MTHFD1L: variants seen among roughly 807,000 people sequenced by gnomAD.
The protein encoded by MTHFD1L is methylenetetrahydrofolate dehydrogenase (NADP+ dependent) 1 like.
A neutral mutation model predicts 119.5 loss-of-function variants in MTHFD1L; 81 were observed. The observed-to-expected ratio is 0.68, with a 90% CI of 0.57 to 0.82. The LOEUF is 0.82. Among genes scored for constraint, MTHFD1L ranks in the 40% least tolerant of loss-of-function variants. The probability of loss-of-function intolerance (pLI) is 0.00; values close to 1 mark genes in which losing one functional copy is unlikely to be tolerated. For missense variants in MTHFD1L, 1,125 were observed against 1,253.4 expected, an observed-to-expected ratio of 0.90 and a Z score of 1.55; for synonymous variants, 430 against 475.2, an observed-to-expected ratio of 0.90 and a Z score of 1.24.
intron 8 of MTHFD1L, among the ~76,000 whole-genome samples, chr6:150,907,053 G>A (rs191385954): frequency 8.6e-4 from 130 of 150,692 alleles, no homozygotes; most frequent in African/African-American, 3.0e-3. Context: ...ATAGTGGACA[G>A]GGCTTCCTCT....
intron 16 of MTHFD1L, among the ~76,000 whole-genome samples, chr6:150,950,813 G>T (rs1794746121): frequency 6.6e-6 from 1 of 151,984 alleles, no homozygotes; most frequent in Non-Finnish European, 1.5e-5. Flanking sequence ...GGGATTACAG[G>T]CACACACCAC....
intron 11 of MTHFD1L, among the ~76,000 whole-genome samples, chr6:150,933,097 AT>A (rs1222979958): frequency 6.6e-6 from 1 of 152,010 alleles, no homozygotes; most frequent in East Asian, 1.9e-4. Flanking sequence ...CTACTTTGTG[AT>A]TTTCCCGAAC....
chr6:151,078,955 A>G lies in MTHFD1L; in HGVS notation c.2848-13512A>G, dbSNP rs117953704. Among the ~76,000 whole-genome samples the G allele has an allele frequency of 8.4e-3, 1,278 of 152,232 alleles. 8 individuals carry two copies. The highest frequency in any genetic ancestry group is 0.012 in the Non-Finnish European group (795 of 68,020). On this transcript the variant is annotated intron_variant, in intron 26 of 27. Transcript: ENST00000367321. ...GAGCCCACTAAGTGTTTTGTTCAGT[A>G]GGCCTGCAGGATGAAGGGTGCCAGG...
chr6:150,990,277 C>CA (rs201758591), intron 20 of MTHFD1L, among the ~76,000 whole-genome samples: 141 of 125,856 alleles, frequency 1.1e-3, no homozygotes, highest in African/African-American at 2.1e-3. Context: ...GATTCTGTCT[C>CA]AAAAAAAAAA....
At chr6:150,932,867 T>G (rs1019066333) in intron 11 of MTHFD1L, among the ~76,000 whole-genome samples, 13 of 114,050 alleles carry the variant, frequency 1.1e-4, no homozygotes, top group African/African-American at 5.1e-4. Flanking sequence ...TAGATTACCT[T>G]AAGGAAAGAA....
intron 26 of MTHFD1L, among the ~76,000 whole-genome samples, chr6:151,085,272 T>C (rs1166751613): frequency 6.6e-6 from 1 of 152,086 alleles, no homozygotes; most frequent in Non-Finnish European, 1.5e-5. Flanking sequence ...TATAGTCTTC[T>C]TTACAAAAGA....
intron 15 of MTHFD1L, among the ~76,000 whole-genome samples, chr6:150,947,374 C>T (rs7746282): frequency 6.6e-6 from 1 of 151,396 alleles, no homozygotes; most frequent in Non-Finnish European, 1.5e-5. Flanking sequence ...GGATTACAGG[C>T]ATGAGCCACC....
intron 19 of MTHFD1L, among the ~76,000 whole-genome samples, chr6:150,967,425 C>T (rs201225103): frequency 2.3e-5 from 1 of 44,190 alleles, no homozygotes; most frequent in African/African-American, 5.6e-5. Flanking sequence ...GCCCCGTTCT[C>T]CTCCAGAATT....
chr6:151,099,713 AC>A, intron 27 of MTHFD1L: 2 of 1,611,068 alleles, frequency 1.2e-6, no homozygotes, highest in Non-Finnish European at 8.5e-7. Flanking sequence ...TATGGGAGCA[AC>A]AAAAAAACAA....
intron 26 of MTHFD1L, among the ~76,000 whole-genome samples, chr6:151,089,985 A>G (rs533583546): frequency 2.0e-5 from 3 of 152,362 alleles, no homozygotes; most frequent in African/African-American, 7.2e-5. Flanking sequence ...GGATTTTCCC[A>G]TAGGCGTGTT....
At chr6:151,029,168 C>T (rs1047597771) in intron 24 of MTHFD1L, among the ~76,000 whole-genome samples, 1 of 152,046 alleles carries the variant, frequency 6.6e-6, no homozygotes, top group Non-Finnish European at 1.5e-5. Flanking sequence ...CACCTGAAAT[C>T]CCAGCACTTT....
intron 19 of MTHFD1L, among the ~76,000 whole-genome samples, chr6:150,967,990 C>T (rs1234101164): frequency 6.8e-6 from 1 of 148,070 alleles, no homozygotes; most frequent in African/African-American, 2.5e-5. Flanking sequence ...CCCTTATCCT[C>T]ATCTCTCATC....
chr6:150,963,746 G>T, intron 18 of MTHFD1L, among the ~76,000 whole-genome samples: 1 of 152,088 alleles, frequency 6.6e-6, no homozygotes, highest in Non-Finnish European at 1.5e-5. Context: ...AAGGGATAGC[G>T]CCCTGTTTTC....
chr6:151,011,726 T>C (rs62431927), intron 21 of MTHFD1L, among the ~76,000 whole-genome samples: 1 of 152,106 alleles, frequency 6.6e-6, no homozygotes, highest in African/African-American at 2.4e-5. Context: ...CATGGTAACA[T>C]GGAACAGGGT....
At chr6:150,959,006 C>T (rs1796047956) in intron 17 of MTHFD1L, among the ~76,000 whole-genome samples, 2 of 152,052 alleles carry the variant, frequency 1.3e-5, no homozygotes, top group Non-Finnish European at 2.9e-5. Flanking sequence ...CAGAAAATCT[C>T]CATATTTTTT....
chr6:150,954,886 G>A (rs1471616672), intron 16 of MTHFD1L, among the ~76,000 whole-genome samples: 2 of 152,038 alleles, frequency 1.3e-5, no homozygotes, highest in South Asian at 2.1e-4. Flanking sequence ...GCTGGGAGGT[G>A]TGTGCCACCA....
Position 150,971,949 on chromosome 6 carries a change from G to T in MTHFD1L, c.2016G>T (p.Gly672=). ...GATTTGCTTTTTCACTTCTCTAGGG[G>T]ACACCTGTGTTCGTGCATGCGGGCC... ...IKPNLMQTLE[G]TPVFVHAGPF... Residue 672 remains glycine, a splice_region_variant and synonymous_variant, in exon 20 of 28, where the codon GGG becomes GGT. Coordinates refer to ENST00000367321, the MANE Select transcript of MTHFD1L (RefSeq NM_015440.5). 11 of 1,613,812 alleles carry T rather than the reference G, an allele frequency of 6.8e-6. No homozygotes were observed. Among genetic ancestry groups the T allele is most frequent in the Non-Finnish European group, 9.3e-6 (11 of 1,179,812 alleles).
At position 150,893,124 on chromosome 6, in the gene MTHFD1L, G is replaced by A. The variant is rs143693470; in HGVS notation, c.780+5143G>A. Among the ~76,000 whole-genome samples the A allele has an allele frequency of 2.3e-3, 347 of 152,278 alleles. 2 individuals are homozygous for A. Among genetic ancestry groups the A allele is most frequent in the African/African-American group, 8.0e-3 (333 of 41,548 alleles). ...CTGTTACCCAGGCTGGAGTGCAGTGGCGCGATCTCGGCTCACTAAAGCCTC... is the reference window on the plus strand; with the variant it reads ...CTGTTACCCAGGCTGGAGTGCAGTGACGCGATCTCGGCTCACTAAAGCCTC... On this transcript the variant is annotated intron_variant, in intron 7 of 27. Coordinates refer to ENST00000367321, the MANE Select transcript of MTHFD1L (RefSeq NM_015440.5).
intron 24 of MTHFD1L, among the ~76,000 whole-genome samples, chr6:151,032,854 T>G (rs956126494): frequency 6.6e-6 from 1 of 152,224 alleles, no homozygotes; most frequent in Non-Finnish European, 1.5e-5. Flanking sequence ...TAATAAAAAC[T>G]GTAGTAATGA....
Sources: allele counts gnomAD v4.1 joint callset (sites outside exome capture counted in the v4.1 genomes callset), GRCh38; gene constraint gnomAD v4.1.1; transcripts MANE v1.5; gene names NCBI Gene and HGNC (gene_info 2026-07-23, HGNC 2026-07-21).